Variants in EPB41L3 observed in about 807,000 individuals in gnomAD.
The protein encoded by EPB41L3 is band 4.1-like protein 3.
EPB41L3 carries 57 observed loss-of-function variants against 127.1 expected under a neutral mutation model. The observed-to-expected ratio is 0.45, with a 90% CI of 0.36 to 0.56. EPB41L3 has a LOEUF of 0.56. Ranked by LOEUF, EPB41L3 falls within the 20% of genes least tolerant of loss-of-function variation. The pLI, the probability that EPB41L3 is intolerant of heterozygous loss-of-function variation, is 0.00. For synonymous variants in EPB41L3, 572 were observed against 549.5 expected, an observed-to-expected ratio of 1.04 and a Z score of -0.57; for missense variants, 1,273 against 1,372.2, an observed-to-expected ratio of 0.93 and a Z score of 1.14.
intron 11 of EPB41L3, 28 bp from the exon 12 acceptor site, chr18:5,419,905 A>G (rs778093294): frequency 8.1e-6 from 13 of 1,614,116 alleles, no homozygotes; most frequent in Non-Finnish European, 1.1e-5. Flanking sequence ...TCCTTCATGT[A>G]TATTTCATGG....
intron 1 of EPB41L3, among the ~76,000 whole-genome samples, chr18:5,507,227 A>G (rs2092266662): frequency 6.6e-6 from 1 of 152,206 alleles, no homozygotes; most frequent in East Asian, 1.9e-4. Flanking sequence ...ACACACACAC[A>G]AACACAAACA....
rs79859149 is a variant in EPB41L3, at chr18:5,482,059, T to C, written c.184-3621A>G. On this transcript the variant is annotated intron_variant, in intron 2 of 22. Coordinates refer to ENST00000341928, the MANE Select transcript of EPB41L3 (RefSeq NM_012307.5). Reference sequence around the variant, plus strand: ...AAAATCCAACCCTACAAGATGGCGATTTGTGAGCTAAGAATTCAAAATAAC... The same window carrying C: ...AAAATCCAACCCTACAAGATGGCGACTTGTGAGCTAAGAATTCAAAATAAC... 8.6e-3 allele frequency among the ~76,000 whole-genome samples: 1,310 copies of C among 152,260 alleles called. 17 individuals carry two copies. The highest frequency in any genetic ancestry group is 0.028 in the African/African-American group (1,176 of 41,538).
At chr18:5,480,455 G>A (rs2088216295) in intron 2 of EPB41L3, among the ~76,000 whole-genome samples, 1 of 152,144 alleles carries the variant, frequency 6.6e-6, no homozygotes, top group African/African-American at 2.4e-5. Context: ...TAAGGAGAGA[G>A]AGACATGGGG....
chr18:5,519,860 G>C (rs2092915310), intron 1 of EPB41L3, among the ~76,000 whole-genome samples: 1 of 152,188 alleles, frequency 6.6e-6, no homozygotes, highest in African/African-American at 2.4e-5. Context: ...ACACTGTTCA[G>C]TTTTCAAGGA....
intron 3 of EPB41L3, among the ~76,000 whole-genome samples, chr18:5,566,956 C>T (rs1222413187): frequency 1.3e-5 from 2 of 152,092 alleles, no homozygotes; most frequent in Non-Finnish European, 2.9e-5. Context: ...CAGGCACACA[C>T]TACCACTCAC....
chr18:5,598,790 A>G (rs918449950), intron 3 of EPB41L3, among the ~76,000 whole-genome samples: 4 of 152,182 alleles, frequency 2.6e-5, no homozygotes, highest in African/African-American at 9.7e-5. Flanking sequence ...TGTTGCAGCT[A>G]TTCTCTCTAG....
chr18:5,441,275 C>T (rs2080683803), intron 5 of EPB41L3, among the ~76,000 whole-genome samples: 1 of 152,032 alleles, frequency 6.6e-6, no homozygotes, highest in Admixed American at 6.5e-5. Flanking sequence ...ATACTGTGAG[C>T]CCACAGCATA....
intron 3 of EPB41L3, among the ~76,000 whole-genome samples, chr18:5,555,208 A>G (rs8095619): frequency 0.79 from 120,262 of 152,064 alleles, 47,672 homozygotes; most frequent in Admixed American, 0.81. Context: ...CTTATCCCCA[A>G]CCTCTGCCTC....
chr18:5,413,614 C>A (rs992149519), intron 13 of EPB41L3, among the ~76,000 whole-genome samples: 2 of 152,166 alleles, frequency 1.3e-5, no homozygotes, highest in African/African-American at 4.8e-5. Flanking sequence ...AAGCAAATGG[C>A]AATTTAAATA....
intron 3 of EPB41L3, among the ~76,000 whole-genome samples, chr18:5,596,086 C>T (rs2143672340): frequency 6.6e-6 from 1 of 152,304 alleles, no homozygotes; most frequent in East Asian, 1.9e-4. Flanking sequence ...AATGAGCCAC[C>T]TCACATAGTG....
At chr18:5,579,579 C>CA (rs2094371538) in intron 3 of EPB41L3, among the ~76,000 whole-genome samples, 1 of 152,198 alleles carries the variant, frequency 6.6e-6, no homozygotes, top group Non-Finnish European at 1.5e-5. Context: ...TCAGTCCTGC[C>CA]AGGCTCCAAA....
chr18:5,460,059 C>T (rs1158722457), intron 3 of EPB41L3, among the ~76,000 whole-genome samples: 1 of 152,194 alleles, frequency 6.6e-6, no homozygotes, highest in Admixed American at 6.5e-5. Context: ...GCTCCTCTCT[C>T]CCTCATTTTG....
chr18:5,467,110 A>C (rs533894252), intron 3 of EPB41L3, among the ~76,000 whole-genome samples: 1 of 152,350 alleles, frequency 6.6e-6, no homozygotes, highest in South Asian at 2.1e-4. Flanking sequence ...AGATGATGTG[A>C]TAACTATAGA....
chr18:5,516,007 G>A (rs765211235), intron 1 of EPB41L3, among the ~76,000 whole-genome samples: 1 of 150,120 alleles, frequency 6.7e-6, no homozygotes, highest in Non-Finnish European at 1.5e-5. Flanking sequence ...TGAACCAAAC[G>A]CAAGTAAGTG....
At chr18:5,395,011 C>G (rs1451663234) in intron 21 of EPB41L3, 56 bp downstream of exon 21, 1 of 1,543,906 alleles carries the variant, frequency 6.5e-7, no homozygotes, top group Admixed American at 1.7e-5. Context: ...AACTGTAGGA[C>G]CAACAGGTTT....
At chr18:5,467,565 T>C (rs1486805784) in intron 3 of EPB41L3, 1 of 151,994 alleles carries the variant, frequency 6.6e-6, no homozygotes, top group Non-Finnish European at 1.5e-5. Context: ...GTGAAGAAAA[T>C]AGGAGAAAGT....
At chr18:5,573,321 C>T (rs373214297) in intron 3 of EPB41L3, among the ~76,000 whole-genome samples, 43 of 152,294 alleles carry the variant, frequency 2.8e-4, no homozygotes, top group African/African-American at 1.0e-3. Context: ...AGTAAGAGAA[C>T]AGCTTCATTA....
chr18:5,430,706 G>A (rs2078887239), intron 8 of EPB41L3, among the ~76,000 whole-genome samples: 1 of 151,470 alleles, frequency 6.6e-6, no homozygotes, highest in South Asian at 2.1e-4. Context: ...TGGAACCACA[G>A]GCACGTGCCA....
At chr18:5,584,868 C>G (rs1358102769) in intron 3 of EPB41L3, among the ~76,000 whole-genome samples, 2 of 152,070 alleles carry the variant, frequency 1.3e-5, no homozygotes, top group Admixed American at 1.3e-4. Flanking sequence ...CATACAGCTT[C>G]AAAGAGAAGA....
Sources: allele counts gnomAD v4.1 joint callset (sites outside exome capture counted in the v4.1 genomes callset), GRCh38; gene constraint gnomAD v4.1.1; transcripts MANE v1.5; gene names NCBI Gene and HGNC (gene_info 2026-07-23, HGNC 2026-07-21).